Variants in ODAD2 observed in about 807,000 individuals in gnomAD.
The protein encoded by ODAD2 is outer dynein arm docking complex subunit 2.
ODAD2 carries 89 observed loss-of-function variants against 106.8 expected under a neutral mutation model. The ratio of observed to expected loss-of-function variants is 0.83; its 90% CI spans 0.70 to 0.99. The LOEUF is 0.99. Ranked by LOEUF, ODAD2 falls within the 50% of genes least tolerant of loss-of-function variation. The pLI, the probability that ODAD2 is intolerant of heterozygous loss-of-function variation, is 0.00. For missense variants in ODAD2, 1,168 were observed against 1,238.5 expected (o/e 0.94, Z 0.85); for synonymous variants, 404 against 436.2 (o/e 0.93, Z 0.92).
chr10:27,939,877 G>A lies in ODAD2; in HGVS notation c.2097+20C>T, dbSNP rs764297273. The A allele has an allele frequency of 1.5e-5, 22 of 1,503,164 alleles. No individual in the cohort carries two copies. The highest frequency in any genetic ancestry group is 2.4e-5 in the East Asian group (1 of 41,780). 93.1% of individuals were successfully genotyped at this position (1,503,164 alleles called of 1,614,324 possible). ...TATGTGAGAAAGAACGCCAACAACCGCTGGGAGAGTTCACTGCACCTGGTA... is the reference window on the plus strand; with the variant it reads ...TATGTGAGAAAGAACGCCAACAACCACTGGGAGAGTTCACTGCACCTGGTA... On this transcript the variant is annotated intron_variant, in intron 14 of 19. Coordinates refer to ENST00000305242, the MANE Select transcript of ODAD2 (RefSeq NM_018076.5).
intron 19 of ODAD2, among the ~76,000 whole-genome samples, chr10:27,846,471 G>A (rs1331578841): frequency 2.6e-5 from 4 of 151,922 alleles, no homozygotes; most frequent in African/African-American, 9.7e-5. Flanking sequence ...AGAGAAAGCA[G>A]GAAAGATCTA....
At chr10:27,987,632 A>G (rs1049526428) in intron 2 of ODAD2, 89 bp from the exon 3 acceptor site, 13 of 818,446 alleles carry the variant, frequency 1.6e-5, no homozygotes, top group Non-Finnish European at 2.2e-5. Context: ...GATTATTCCT[A>G]TATCTCATTA....
In ODAD2 at chr10:27,918,332, AT is replaced by A. The variant is rs565711782; in HGVS notation, c.2496-10556del. Among the ~76,000 whole-genome samples, 557 of 152,050 alleles carry A rather than the reference AT, an allele frequency of 3.7e-3. 3 individuals are homozygous for A. Among genetic ancestry groups the A allele is most frequent in the South Asian group, 0.011 (54 of 4,830 alleles). On this transcript the variant is annotated intron_variant, in intron 16 of 19. Transcript: ENST00000305242. ...AAGGTAATGCAATATGATCAGAGTGATTTTATCCAAGGAATAGAAGTTTGGC... is the reference window on the plus strand; with the variant it reads ...AAGGTAATGCAATATGATCAGAGTGATTTATCCAAGGAATAGAAGTTTGGC...
rs868848405 is a variant in ODAD2, at chr10:27,944,368, C to A, written c.1597G>T (p.Asp533Tyr). 1.9e-6 allele frequency: 3 copies of A among 1,613,814 alleles called. No individual in the cohort carries two copies. In the South Asian group the frequency reaches 3.3e-5, roughly 18 times the overall value. The part of the protein sequence containing the change: ...HNPQIRQNIV[D>Y]LGGLPIMVNI... ...ACCATAATTGGTAAGCCCCCAAGGTCAACAATATTCTGTCTGATTTGAGGA... is the reference window on the plus strand; with the variant it reads ...ACCATAATTGGTAAGCCCCCAAGGTAAACAATATTCTGTCTGATTTGAGGA... The change falls in exon 12 of 20, where the codon GAC (aspartate) becomes TAC (tyrosine). Residue 533 changes from aspartate (D) to tyrosine (Y), a missense_variant. Asp to Tyr is a radical substitution (Grantham distance 160). Around this residue, in one of 3 missense-constraint regions of ODAD2, gnomAD observed 701 missense variants for 712.3 expected, o/e 0.98. Coordinates refer to ENST00000305242, the MANE Select transcript of ODAD2 (RefSeq NM_018076.5).
At chr10:27,837,182 T>TC (rs1393319533) in intron 19 of ODAD2, among the ~76,000 whole-genome samples, 2 of 152,206 alleles carry the variant, frequency 1.3e-5, no homozygotes, top group Admixed American at 6.5e-5. Flanking sequence ...GCAAGGATGC[T>TC]CCCACCCCTG....
chr10:27,939,720 A>G (rs955994133), intron 14 of ODAD2, among the ~76,000 whole-genome samples, 177 bp downstream of exon 14: 146 of 152,290 alleles, frequency 9.6e-4, no homozygotes, highest in African/African-American at 3.4e-3. Flanking sequence ...CCTGGGCAAC[A>G]GAGCAAGACC....
chr10:27,876,771 C>T (rs1841368786), intron 17 of ODAD2, among the ~76,000 whole-genome samples: 1 of 152,196 alleles, frequency 6.6e-6, no homozygotes, highest in Admixed American at 6.5e-5. Flanking sequence ...TTTGTCCAAG[C>T]ACACTTTCCA....
intron 19 of ODAD2, among the ~76,000 whole-genome samples, chr10:27,826,206 A>G (rs1837028533): frequency 1.3e-5 from 2 of 152,274 alleles, no homozygotes; most frequent in South Asian, 2.1e-4. Context: ...GCTCTGGTCC[A>G]CCATGACACC....
At chr10:27,841,691 G>A (rs559870415) in intron 19 of ODAD2, among the ~76,000 whole-genome samples, 11 of 151,978 alleles carry the variant, frequency 7.2e-5, no homozygotes, top group African/African-American at 1.2e-4. Flanking sequence ...CCACCACCCC[G>A]GCAGATCTGC....
At chr10:27,915,881 A>G (rs1312872114) in intron 16 of ODAD2, among the ~76,000 whole-genome samples, 1 of 152,176 alleles carries the variant, frequency 6.6e-6, no homozygotes, top group Non-Finnish European at 1.5e-5. Flanking sequence ...CAATATGGAC[A>G]CAAACTGTTC....
chr10:27,975,770 T>C (rs1849151632), intron 7 of ODAD2, among the ~76,000 whole-genome samples: 3 of 152,088 alleles, frequency 2.0e-5, no homozygotes, highest in African/African-American at 7.2e-5. Flanking sequence ...TTCCAAAAAA[T>C]TGAAGAGAAG....
intron 7 of ODAD2, among the ~76,000 whole-genome samples, chr10:27,980,010 C>A (rs760536322): frequency 9.9e-5 from 15 of 152,122 alleles, no homozygotes; most frequent in Non-Finnish European, 2.2e-4. Context: ...AATTAAAAGT[C>A]CCCAAGTAAA....
chr10:27,941,512 A>AAC (rs11423112), intron 12 of ODAD2, among the ~76,000 whole-genome samples: 1 of 147,820 alleles, frequency 6.8e-6, no homozygotes, highest in Non-Finnish European at 1.5e-5. Flanking sequence ...AAAAAAAAAA[A>AAC]CCATGAGATC....
At chr10:27,908,655 C>G (rs1018968389) in intron 16 of ODAD2, among the ~76,000 whole-genome samples, 2 of 152,060 alleles carry the variant, frequency 1.3e-5, no homozygotes, top group Non-Finnish European at 2.9e-5. Flanking sequence ...TAGTATTGAG[C>G]CACAGATAGA....
intron 10 of ODAD2, among the ~76,000 whole-genome samples, chr10:27,950,847 A>C (rs1847281159): frequency 6.6e-6 from 1 of 152,200 alleles, no homozygotes; most frequent in Admixed American, 6.5e-5. Context: ...TTTATAGCAA[A>C]TATAATTATC....
intron 14 of ODAD2, among the ~76,000 whole-genome samples, chr10:27,937,446 G>C (rs182069913): frequency 6.7e-6 from 1 of 150,154 alleles, no homozygotes; most frequent in Non-Finnish European, 1.5e-5. Flanking sequence ...CAGGTGATTA[G>C]AGACAAACAA....
chr10:27,853,909 G>A (rs1889522), intron 19 of ODAD2, among the ~76,000 whole-genome samples: 106,547 of 152,018 alleles, frequency 0.7, 37,429 homozygotes, highest in Middle Eastern at 0.75. Flanking sequence ...CTTCACCAGC[G>A]TTAAAAACTT....
intron 19 of ODAD2, among the ~76,000 whole-genome samples, chr10:27,828,766 G>A (rs1564403133): frequency 6.6e-6 from 1 of 152,100 alleles, no homozygotes; most frequent in African/African-American, 2.4e-5. Flanking sequence ...CTAAGAATTT[G>A]TGTAATCTGC....
rs1017740620 is a variant in ODAD2 at position 27,963,745 on chromosome 10, T to C, written c.1239-2030A>G. ...TACAGGGTATTGGCTCACACTCCAA[T>C]AGAGGTTATCATATAATATATATTG... On this transcript the variant is annotated intron_variant, in intron 9 of 19. Transcript: ENST00000305242. Among the ~76,000 whole-genome samples the C allele has an allele frequency of 1.4e-4, 22 of 152,338 alleles. No homozygotes were observed. In the South Asian group the frequency reaches 1.9e-3, roughly 13 times the overall value.
Sources: allele counts gnomAD v4.1 joint callset (sites outside exome capture counted in the v4.1 genomes callset), GRCh38; gene constraint gnomAD v4.1.1; regional missense constraint gnomAD v4.1.1; transcripts MANE v1.5; gene names NCBI Gene and HGNC (gene_info 2026-07-23, HGNC 2026-07-21).